PHF24: variants seen among roughly 807,000 people sequenced by gnomAD.
PHF24 encodes Galpha inhibitory interacting protein.
In PHF24, 25 loss-of-function variants were observed where a neutral mutation model predicts 42.6. The observed-to-expected ratio is 0.59, with a 90% CI of 0.43 to 0.82. The LOEUF (loss-of-function observed/expected upper bound fraction) is 0.82. Among genes scored for constraint, PHF24 ranks in the 40% least tolerant of loss-of-function variants. The pLI is 0.00. For synonymous variants in PHF24, 185 were observed against 204.8 expected, an observed-to-expected ratio of 0.90 and a Z score of 0.83; for missense variants, 470 against 538.1, an observed-to-expected ratio of 0.87 and a Z score of 1.25.
At chr9:34,887,959 C>A in the PHF24 span, among the ~76,000 whole-genome samples, 44 of 152,084 alleles carry the variant, frequency 2.9e-4, no homozygotes, top group African/African-American at 1.1e-3. Context: ...TCCAGCTTGG[C>A]AACCTCATTC....
chr9:34,908,073 C>T, the PHF24 span, among the ~76,000 whole-genome samples: 2 of 152,088 alleles, frequency 1.3e-5, no homozygotes, highest in South Asian at 2.1e-4. Context: ...GAACTCCCGA[C>T]CTCGTGATCT....
At chr9:34,914,936 C>T in the PHF24 span, among the ~76,000 whole-genome samples, 1 of 140,988 alleles carries the variant, frequency 7.1e-6, no homozygotes. Context: ...CAGGTGTGTG[C>T]CACCATGCCT....
chr9:34,935,083 T>C, the PHF24 span, among the ~76,000 whole-genome samples: 1 of 152,100 alleles, frequency 6.6e-6, no homozygotes. Context: ...GGCAGAAAAC[T>C]AGAGGAATGT....
chr9:34,911,589 G>A, the PHF24 span, among the ~76,000 whole-genome samples: 2 of 152,208 alleles, frequency 1.3e-5, no homozygotes, highest in Admixed American at 6.5e-5. Context: ...GTACCATGGA[G>A]ATTTGCTCCT....
chr9:34,968,972 C>G (rs1826875942), intron 1 of PHF24, among the ~76,000 whole-genome samples: 1 of 152,134 alleles, frequency 6.6e-6, no homozygotes, highest in Non-Finnish European at 1.5e-5. Flanking sequence ...GTGACTTCCC[C>G]AAGGAAATGA....
the PHF24 span, among the ~76,000 whole-genome samples, chr9:34,927,589 T>G: frequency 6.6e-6 from 1 of 152,148 alleles, no homozygotes; most frequent in Non-Finnish European, 1.5e-5. Flanking sequence ...GCAGTGCCAG[T>G]GGGGGCTGGT....
At chr9:34,933,365 T>C in the PHF24 span, among the ~76,000 whole-genome samples, 1 of 152,316 alleles carries the variant, frequency 6.6e-6, no homozygotes, top group East Asian at 1.9e-4. Flanking sequence ...CTGGGCACTA[T>C]GCTAAGCACT....
chr9:34,723,181 C>T, the PHF24 span: 273 of 1,516,926 alleles, frequency 1.8e-4, no homozygotes, highest in Middle Eastern at 3.6e-4. Flanking sequence ...CATGGCTCTG[C>T]ATGTTCTCCT....
At chr9:34,826,343 G>A in the PHF24 span, among the ~76,000 whole-genome samples, 1 of 152,330 alleles carries the variant, frequency 6.6e-6, no homozygotes, top group South Asian at 2.1e-4. Flanking sequence ...CCCTGCAGTG[G>A]ACACAGAGGC....
At chr9:34,758,958 C>A in the PHF24 span, among the ~76,000 whole-genome samples, 1 of 152,100 alleles carries the variant, frequency 6.6e-6, no homozygotes, top group Non-Finnish European at 1.5e-5. The surrounding 1 kb of genome is among the most constrained non-coding windows in gnomAD (Gnocchi z 4.4). Context: ...AGGCTGGGTG[C>A]CTCCTCACTG....
the PHF24 span, among the ~76,000 whole-genome samples, chr9:34,909,220 T>G: frequency 6.6e-6 from 1 of 152,124 alleles, no homozygotes; most frequent in Non-Finnish European, 1.5e-5. Flanking sequence ...GGCTCAAGCT[T>G]CCTAAACAGC....
At chr9:34,957,731 G>A (rs1563923464), upstream of PHF24, 1 of 152,322 alleles carries the variant, frequency 6.6e-6, no homozygotes, top group Non-Finnish European at 1.5e-5. Context: ...CGTGAGCCCG[G>A]AGCCCTGCGG....
the PHF24 span, among the ~76,000 whole-genome samples, chr9:34,772,816 A>C: frequency 6.6e-6 from 1 of 152,150 alleles, no homozygotes; most frequent in Admixed American, 6.5e-5. Flanking sequence ...GTATAACCTC[A>C]TGTTTAGCTT....
At chr9:34,709,758 C>T in the PHF24 span, 1 of 1,614,174 alleles carries the variant, frequency 6.2e-7, no homozygotes, top group Non-Finnish European at 8.5e-7. Flanking sequence ...CCAGTACCCA[C>T]CCCTTTGTGT....
chr9:34,820,895 GT>G, the PHF24 span, among the ~76,000 whole-genome samples: 1 of 152,180 alleles, frequency 6.6e-6, no homozygotes, highest in Non-Finnish European at 1.5e-5. Context: ...TGCAGCATCT[GT>G]TATTTTTTGA....
chr9:34,680,697 AAT>A, the PHF24 span, among the ~76,000 whole-genome samples: 64 of 64,300 alleles, frequency 1.0e-3, no homozygotes, highest in Non-Finnish European at 1.8e-3. Context: ...CAAAAAAAAA[AAT>A]AAATAAATAA....
chr9:34,704,149 T>C, the PHF24 span, among the ~76,000 whole-genome samples: 1 of 151,468 alleles, frequency 6.6e-6, no homozygotes, highest in Non-Finnish European at 1.5e-5. Context: ...CACCTCAGCC[T>C]CCAAGTCGCT....
At chr9:34,823,658 C>A in the PHF24 span, among the ~76,000 whole-genome samples, 1 of 152,010 alleles carries the variant, frequency 6.6e-6, no homozygotes, top group East Asian at 1.9e-4. Context: ...AGGGGGGAAG[C>A]TTTGCTGGAG....
At chr9:34,917,194 C>G in the PHF24 span, 3 of 1,453,900 alleles carry the variant, frequency 2.1e-6, no homozygotes, top group Admixed American at 3.4e-5. Flanking sequence ...TCAGCATGTT[C>G]CCACTTAAAT....
Sources: gnomAD v4.1 joint callset for allele counts (sites outside exome capture counted in the v4.1 genomes callset) on GRCh38, gnomAD v4.1.1 for gene constraint, Gnocchi (gnomAD v3.1) non-coding constraint, MANE v1.5 for transcripts, NCBI Gene and HGNC (gene_info 2026-07-23, HGNC 2026-07-21) for gene names.